Variants in NBEA observed in about 807,000 individuals in gnomAD.
The protein encoded by NBEA is lysosomal-trafficking regulator 2.
A neutral mutation model predicts 343.4 loss-of-function variants in NBEA; 44 were observed. The observed-to-expected ratio is 0.13, with a 90% CI of 0.10 to 0.16. NBEA has a LOEUF of 0.16. NBEA is among the 10% of genes least tolerant of loss of function. The pLI, the probability that NBEA is intolerant of heterozygous loss-of-function variation, is 1.00. For synonymous variants in NBEA, 1,175 were observed against 1,238.7 expected (o/e 0.95, Z 1.08); for missense variants, 2,555 against 3,631.3 (o/e 0.70, Z 7.62).
At chr13:35,464,992 G>GA (rs941877355) in intron 40 of NBEA, among the ~76,000 whole-genome samples, 15 of 151,980 alleles carry the variant, frequency 9.9e-5, no homozygotes, top group African/African-American at 3.6e-4. Flanking sequence ...TATACACTAG[G>GA]AAAAATACGA....
intron 30 of NBEA, among the ~76,000 whole-genome samples, chr13:35,192,389 A>G (rs1407618078): frequency 2.0e-5 from 3 of 152,030 alleles, no homozygotes; most frequent in Non-Finnish European, 2.9e-5. Flanking sequence ...TATTGCTATT[A>G]TAAAATATCC....
At chr13:35,368,185 T>C (rs982080679) in intron 38 of NBEA, among the ~76,000 whole-genome samples, 9 of 151,758 alleles carry the variant, frequency 5.9e-5, no homozygotes, top group African/African-American at 2.2e-4. Flanking sequence ...CGTTATCTTA[T>C]ATAGGTCCTT....
chr13:34,997,289 A>G (rs1321002924), intron 1 of NBEA, among the ~76,000 whole-genome samples: 2 of 152,226 alleles, frequency 1.3e-5, no homozygotes, highest in Non-Finnish European at 2.9e-5. Context: ...TAGTTTAAAC[A>G]GTATCCATTT....
chr13:35,222,995 G>C (rs1445583723), intron 33 of NBEA, among the ~76,000 whole-genome samples: 1 of 152,112 alleles, frequency 6.6e-6, no homozygotes, highest in African/African-American at 2.4e-5. Context: ...TCTGGGTGTG[G>C]TGGCATGTGC....
At chr13:35,282,540 A>G (rs569078447) in intron 34 of NBEA, among the ~76,000 whole-genome samples, 38 of 152,270 alleles carry the variant, frequency 2.5e-4, no homozygotes, top group African/African-American at 8.9e-4. Context: ...TGATTCTATA[A>G]TTAAATTTAA....
At chr13:35,339,288 A>G (rs2039448564) in intron 36 of NBEA, among the ~76,000 whole-genome samples, 1 of 152,014 alleles carries the variant, frequency 6.6e-6, no homozygotes, top group Non-Finnish European at 1.5e-5. Context: ...TGTTAGAGCT[A>G]ATAAACAAAT....
chr13:35,279,902 C>T (rs2034923439), intron 34 of NBEA, among the ~76,000 whole-genome samples: 1 of 152,030 alleles, frequency 6.6e-6, no homozygotes, highest in South Asian at 2.1e-4. Flanking sequence ...ATGGACATTT[C>T]CTAAGACATA....
chr13:35,350,965 A>C (rs1381374715), intron 37 of NBEA, among the ~76,000 whole-genome samples: 1 of 151,970 alleles, frequency 6.6e-6, no homozygotes, highest in Non-Finnish European at 1.5e-5. Context: ...AGGAAGAAAA[A>C]TGAAAATTTA....
At chr13:35,117,391 C>CT (rs1293171790) in intron 13 of NBEA, 23 bp from the exon 14 acceptor site, 68 of 1,233,068 alleles carry the variant, frequency 5.5e-5, no homozygotes, top group South Asian at 2.5e-4. Context: ...TTTTATTTTA[C>CT]TTTTTTTTCT....
At chr13:34,983,977 A>T (rs1390105657) in intron 1 of NBEA, among the ~76,000 whole-genome samples, 2 of 151,964 alleles carry the variant, frequency 1.3e-5, no homozygotes, top group East Asian at 3.9e-4. Flanking sequence ...TAGCCTGTTC[A>T]CTCTGATGGT....
At chr13:34,976,643 C>CT (rs2060184757) in intron 1 of NBEA, among the ~76,000 whole-genome samples, 1 of 143,882 alleles carries the variant, frequency 7.0e-6, no homozygotes, top group African/African-American at 2.6e-5. Context: ...TTTCTTTTTT[C>CT]TTTGTTTTTT....
chr13:35,636,082 A>G (rs1291104238), intron 49 of NBEA, among the ~76,000 whole-genome samples: 1 of 152,246 alleles, frequency 6.6e-6, no homozygotes, highest in Non-Finnish European at 1.5e-5. Context: ...CCTGCTGTTT[A>G]TAATAGAAAT....
intron 34 of NBEA, among the ~76,000 whole-genome samples, chr13:35,286,639 T>C (rs2035442957): frequency 6.6e-6 from 1 of 152,164 alleles, no homozygotes; most frequent in Admixed American, 6.6e-5. Context: ...CAGTTCTTTA[T>C]TAAAATAATA....
chr13:35,234,558 G>A (rs747399070), intron 34 of NBEA, among the ~76,000 whole-genome samples: 1 of 152,114 alleles, frequency 6.6e-6, no homozygotes, highest in Non-Finnish European at 1.5e-5. Flanking sequence ...ATATACAAAG[G>A]TACAGTGGGA....
At chr13:35,273,335 CTG>C (rs1219856511) in intron 34 of NBEA, among the ~76,000 whole-genome samples, 2 of 152,190 alleles carry the variant, frequency 1.3e-5, no homozygotes, top group African/African-American at 4.8e-5. Context: ...ACTAGAATCT[CTG>C]GGACACATTT....
Position 35,642,169 on chromosome 13 carries a change from C to A in NBEA, c.7618-3700C>A, listed in dbSNP as rs370510039. On this transcript the variant is annotated intron_variant, in intron 49 of 58. Transcript: ENST00000379939. ...GGTTTAAGCCTATTACCTATGCTGG[C>A]TTTGTATGAAATATGTAAGACTCAT... Among the ~76,000 whole-genome samples the A allele has an allele frequency of 1.2e-3, 175 of 152,156 alleles. 1 individual carries two copies. The South Asian group carries it at 0.034, about 29-fold the overall frequency.
At chr13:34,974,864 G>A (rs1330540662) in intron 1 of NBEA, among the ~76,000 whole-genome samples, 1 of 152,056 alleles carries the variant, frequency 6.6e-6, no homozygotes, top group Non-Finnish European at 1.5e-5. Flanking sequence ...TTCACTTGCT[G>A]GTTCAATTGA....
chr13:35,154,574 TA>T (rs1168301204), intron 18 of NBEA, among the ~76,000 whole-genome samples: 1 of 152,220 alleles, frequency 6.6e-6, no homozygotes, highest in East Asian at 1.9e-4. Context: ...TTAGGTTAAT[TA>T]TTCTTTAATT....
intron 44 of NBEA, among the ~76,000 whole-genome samples, chr13:35,564,815 G>A (rs1539563): frequency 0.52 from 78,625 of 151,828 alleles, 20,903 homozygotes; most frequent in East Asian, 0.84. Context: ...CATAATCCTC[G>A]TCTTCTAAAG....
Sources: allele counts gnomAD v4.1 joint callset (sites outside exome capture counted in the v4.1 genomes callset), GRCh38; gene constraint gnomAD v4.1.1; transcripts MANE v1.5; gene names NCBI Gene and HGNC (gene_info 2026-07-23, HGNC 2026-07-21).